YWHAQ: variants seen among roughly 807,000 people sequenced by gnomAD.
YWHAQ encodes 14-3-3 protein theta.
In YWHAQ, 6 loss-of-function variants were observed where a neutral mutation model predicts 28.3. That is an observed-to-expected ratio of 0.21 (90% CI 0.12 to 0.42). The LOEUF is 0.42. Ranked by LOEUF, YWHAQ falls within the 10% of genes least tolerant of loss-of-function variation. YWHAQ has a pLI of 1.00. For synonymous variants in YWHAQ, 143 were observed against 119.1 expected (o/e 1.20, Z -1.31); for missense variants, 201 against 305.6 (o/e 0.66, Z 2.55).
intron 2 of YWHAQ, among the ~76,000 whole-genome samples, chr2:9,612,339 C>A (rs149373183): frequency 3.7e-4 from 56 of 152,270 alleles, no homozygotes; most frequent in African/African-American, 1.3e-3. Flanking sequence ...CCCCCAATGG[C>A]CTGTTAAAGG....
intron 2 of YWHAQ, among the ~76,000 whole-genome samples, chr2:9,597,906 G>A (rs1281743685): frequency 4.7e-5 from 7 of 148,644 alleles, no homozygotes; most frequent in Non-Finnish European, 8.9e-5. Flanking sequence ...CGCAACCTCT[G>A]CCTCCCAGGT....
At chr2:9,611,903 A>G (rs1666956639) in intron 2 of YWHAQ, among the ~76,000 whole-genome samples, 1 of 152,218 alleles carries the variant, frequency 6.6e-6, no homozygotes. Context: ...TCCTGGGCTC[A>G]TGTGATCTAC....
chr2:9,586,629 C>T (rs1053117528), intron 5 of YWHAQ, among the ~76,000 whole-genome samples: 8 of 152,162 alleles, frequency 5.3e-5, no homozygotes, highest in African/African-American at 1.9e-4. Flanking sequence ...AATGCAGGGT[C>T]TTCGTTCCCC....
rs1391534106 is a variant in YWHAQ at position 9,591,403 on chromosome 2, T to C, written c.407A>G (p.Asp136Gly). The change falls in exon 3 of 6, where the codon GAT becomes GGT. Residue 136 changes from aspartate to glycine, a missense_variant. Around this residue, in one of 2 missense-constraint regions of YWHAQ, gnomAD observed 162 missense variants for 213.9 expected, o/e 0.76. Coordinates refer to ENST00000238081, the MANE Select transcript of YWHAQ (RefSeq NM_006826.4). Reference sequence around the variant, plus strand: ...ACAAATAAACTTACGTTTTCGATCATCACCACACGCAACTTCAGCAAGGTA... The same window carrying C: ...ACAAATAAACTTACGTTTTCGATCACCACCACACGCAACTTCAGCAAGGTA... ...FRYLAEVACG[D>G]DRKQTIDNSQ... The C allele has an allele frequency of 1.2e-6, 2 of 1,611,888 alleles. No homozygotes were observed. The highest frequency in any genetic ancestry group is 1.7e-5 in the Admixed American group (1 of 59,970).
chr2:9,590,323 G>GT (rs1226546403), intron 3 of YWHAQ, among the ~76,000 whole-genome samples: 19 of 152,154 alleles, frequency 1.2e-4, no homozygotes, highest in African/African-American at 4.6e-4. Context: ...AACAGAATAA[G>GT]TAAGTTTAGT....
intron 2 of YWHAQ, among the ~76,000 whole-genome samples, chr2:9,602,040 T>A (rs1666704215): frequency 6.6e-6 from 1 of 152,230 alleles, no homozygotes; most frequent in Admixed American, 6.5e-5. Flanking sequence ...ACCTCAGTAA[T>A]GCCAAAAAAT....
chr2:9,608,835 G>C (rs1039356333), intron 2 of YWHAQ, among the ~76,000 whole-genome samples: 2 of 152,166 alleles, frequency 1.3e-5, no homozygotes, highest in Non-Finnish European at 2.9e-5. Flanking sequence ...AGCTACTCAG[G>C]AGGCTGAGGC....
At chr2:9,593,285 G>A (rs1666494881) in intron 2 of YWHAQ, among the ~76,000 whole-genome samples, 1 of 141,164 alleles carries the variant, frequency 7.1e-6, no homozygotes, top group African/African-American at 2.7e-5. Context: ...TGTTGCCCAG[G>A]CTAGAGTGCA....
chr2:9,596,713 C>T (rs1487719285), intron 2 of YWHAQ, among the ~76,000 whole-genome samples: 3 of 125,140 alleles, frequency 2.4e-5, no homozygotes, highest in African/African-American at 1.1e-4. Context: ...TTTTTTTTTT[C>T]CCCCTTGAGA....
chr2:9,598,864 G>A (rs1666630618), intron 2 of YWHAQ, among the ~76,000 whole-genome samples: 1 of 152,178 alleles, frequency 6.6e-6, no homozygotes, highest in African/African-American at 2.4e-5. Flanking sequence ...CAAGTGAAAA[G>A]ATGAGTTACA....
intron 2 of YWHAQ, chr2:9,620,570 G>C (rs1667122907): frequency 6.6e-6 from 1 of 152,022 alleles, no homozygotes; most frequent in Non-Finnish European, 1.5e-5. Flanking sequence ...TATTGGGAGG[G>C]GCAAGTTAAG....
chr2:9,593,028 G>A (rs1464858351), intron 2 of YWHAQ, among the ~76,000 whole-genome samples: 1 of 152,102 alleles, frequency 6.6e-6, no homozygotes, highest in Non-Finnish European at 1.5e-5. Flanking sequence ...CCACAGATAC[G>A]CTCAGTTAAT....
chr2:9,622,607 TATA>T (rs1370227456), intron 2 of YWHAQ, among the ~76,000 whole-genome samples: 3 of 152,180 alleles, frequency 2.0e-5, no homozygotes, highest in African/African-American at 7.2e-5. Flanking sequence ...AGGAAAAACT[TATA>T]ATAGGGAATT....
At chr2:9,603,708 G>A (rs915802671) in intron 2 of YWHAQ, among the ~76,000 whole-genome samples, 6 of 151,726 alleles carry the variant, frequency 4.0e-5, no homozygotes, top group Admixed American at 1.3e-4. Context: ...TGGATCATTC[G>A]CGGTCAGGAG....
intron 5 of YWHAQ, among the ~76,000 whole-genome samples, chr2:9,585,662 C>A (rs550402385): frequency 9.3e-4 from 141 of 152,224 alleles, no homozygotes; most frequent in African/African-American, 3.4e-3. Flanking sequence ...AATCTCAGCA[C>A]GTAGGGAGGC....
intron 2 of YWHAQ, among the ~76,000 whole-genome samples, chr2:9,597,985 A>ATTTTTTTTTTTTTTTTT (rs547582835): frequency 1.6e-5 from 1 of 62,480 alleles, no homozygotes; most frequent in Admixed American, 2.1e-4. Context: ...ATGCCGGGCT[A>ATTTTTTTTTTTTTTTTT]TTTTTTTTTT....
intron 2 of YWHAQ, among the ~76,000 whole-genome samples, chr2:9,623,904 T>C (rs1378645780): frequency 2.0e-5 from 3 of 152,222 alleles, no homozygotes; most frequent in Non-Finnish European, 4.4e-5. Context: ...TTCAATATAA[T>C]TGCAGTCTGT....
chr2:9,585,477 G>T, intron 5 of YWHAQ, 132 bp from the exon 6 acceptor site: 1 of 1,012,378 alleles, frequency 9.9e-7, no homozygotes. Flanking sequence ...TAAGACTGAA[G>T]TTCTCTCTCA....
intron 2 of YWHAQ, among the ~76,000 whole-genome samples, chr2:9,616,777 G>GTACA (rs1206461603): frequency 6.6e-6 from 1 of 152,198 alleles, no homozygotes; most frequent in Non-Finnish European, 1.5e-5. Flanking sequence ...ATGTAAGATA[G>GTACA]TACAGCCACT....
Sources: gnomAD v4.1 joint callset for allele counts (sites outside exome capture counted in the v4.1 genomes callset) on GRCh38, gnomAD v4.1.1 for gene constraint, gnomAD v4.1.1 regional missense constraint, MANE v1.5 for transcripts, NCBI Gene and HGNC (gene_info 2026-07-23, HGNC 2026-07-21) for gene names.